The following GPC3 variants were observed in gnomAD, a reference collection of about 807,000 sequenced individuals.
GPC3 encodes the protein glypican 3.
In GPC3, 3 loss-of-function variants were observed where a neutral mutation model predicts 34.4. The ratio of observed to expected loss-of-function variants is 0.09; its 90% CI spans 0.04 to 0.23. The LOEUF (loss-of-function observed/expected upper bound fraction) is 0.23. Ranked by LOEUF, GPC3 falls within the 10% of genes least tolerant of loss-of-function variation. The pLI is 1.00. For synonymous variants in GPC3, 177 were observed against 174.0 expected (o/e 1.02, Z -0.13); for missense variants, 351 against 445.6 (o/e 0.79, Z 1.91).
At chrX:133,814,201 T>A (rs2075678383) in intron 2 of GPC3, among the ~76,000 whole-genome samples, 1 of 111,037 alleles carries the variant, frequency 9.0e-6, no homozygotes, top group Admixed American at 9.6e-5. Context: ...CCAGATCAAA[T>A]TTTTGGCTAG....
At chrX:133,945,890 C>A (rs188321907) in intron 2 of GPC3, among the ~76,000 whole-genome samples, 5 of 112,301 alleles carry the variant, frequency 4.5e-5, no homozygotes, top group African/African-American at 1.6e-4. Context: ...ATTTTGTCTT[C>A]TTTTTCTTAA....
At chrX:133,873,825 T>C (rs1031432821) in intron 2 of GPC3, among the ~76,000 whole-genome samples, 14 of 111,657 alleles carry the variant, frequency 1.3e-4, no homozygotes, top group African/African-American at 3.3e-4. Context: ...TTTAAATATA[T>C]GGAACTCTAT....
intron 2 of GPC3, among the ~76,000 whole-genome samples, chrX:133,897,534 T>A (rs2076123465): frequency 9.0e-6 from 1 of 110,611 alleles, no homozygotes. Context: ...TACCGTGCTA[T>A]TCTGCCTATA....
At chrX:133,808,289 G>A (rs966977856) in intron 2 of GPC3, among the ~76,000 whole-genome samples, 2 of 111,959 alleles carry the variant, frequency 1.8e-5, no homozygotes, top group African/African-American at 6.5e-5. Context: ...TTGAGACAAA[G>A]GGAAATTTAA....
intron 6 of GPC3, among the ~76,000 whole-genome samples, chrX:133,651,234 A>G (rs1305773217): frequency 9.2e-6 from 1 of 108,210 alleles, no homozygotes; most frequent in African/African-American, 3.4e-5. Context: ...CCCAGGCTGG[A>G]GTGCAGTGGC....
chrX:133,851,782 C>A (rs2075875073), intron 2 of GPC3, among the ~76,000 whole-genome samples: 1 of 112,023 alleles, frequency 8.9e-6, no homozygotes, highest in Admixed American at 9.5e-5. Flanking sequence ...CTACTGTAAT[C>A]CAACTCTGAG....
At chrX:133,795,297 C>A (rs1368625404) in intron 2 of GPC3, among the ~76,000 whole-genome samples, 1 of 112,643 alleles carries the variant, frequency 8.9e-6, no homozygotes, top group Admixed American at 9.4e-5. Context: ...ATCTGCCTGT[C>A]AGGGACCATG....
intron 7 of GPC3, among the ~76,000 whole-genome samples, chrX:133,548,915 C>G (rs1180207038): frequency 9.0e-6 from 1 of 111,538 alleles, no homozygotes; most frequent in Non-Finnish European, 1.9e-5. Flanking sequence ...TATTGTGAGG[C>G]CTCCCCAGTC....
intron 2 of GPC3, among the ~76,000 whole-genome samples, chrX:133,803,269 T>G (rs2124520997): frequency 8.9e-6 from 1 of 112,506 alleles, no homozygotes; most frequent in Non-Finnish European, 1.9e-5. Context: ...CTAATAGGAT[T>G]AAGCCAAAAC....
At chrX:133,608,440 TGA>T (rs1366625510) in intron 6 of GPC3, among the ~76,000 whole-genome samples, 1 of 111,916 alleles carries the variant, frequency 8.9e-6, no homozygotes, top group African/African-American at 3.2e-5. Flanking sequence ...GGTCCTGGGG[TGA>T]GAGTGTACCA....
In GPC3 at chrX:133,840,090, A is replaced by T. The variant is rs188491384; in HGVS notation, c.338-85914T>A. Reference sequence around the variant, plus strand: ...TAGATTCTAGTTCGAGCTCTATCACAAGCTTACTGGGTGATTTTCGGCAAG... The same window carrying T: ...TAGATTCTAGTTCGAGCTCTATCACTAGCTTACTGGGTGATTTTCGGCAAG... On this transcript the variant is annotated intron_variant, in intron 2 of 7. Transcript: ENST00000370818. Among the ~76,000 whole-genome samples the T allele has an allele frequency of 5.4e-5, 6 of 111,083 alleles. No homozygotes were observed. In the East Asian group the frequency reaches 1.4e-3, roughly 26 times the overall value.
intron 2 of GPC3, among the ~76,000 whole-genome samples, chrX:133,917,618 A>T (rs1415479658): frequency 2.7e-5 from 3 of 112,014 alleles, no homozygotes; most frequent in African/African-American, 9.7e-5. Context: ...TGAGCACCTA[A>T]AACTAAGGAT....
chrX:133,763,690 C>T, intron 2 of GPC3: 1 of 539,159 alleles, frequency 1.9e-6, no homozygotes, highest in South Asian at 2.4e-5. Flanking sequence ...TTAAGCTGTT[C>T]TTATATCAGC....
At chrX:133,594,506 T>G (rs1223786677) in intron 7 of GPC3, among the ~76,000 whole-genome samples, 1 of 112,134 alleles carries the variant, frequency 8.9e-6, no homozygotes, top group Non-Finnish European at 1.9e-5. Flanking sequence ...AAAAGTGTGG[T>G]ACATACATAC....
At chrX:133,619,338 G>A (rs1379218805) in intron 6 of GPC3, among the ~76,000 whole-genome samples, 1 of 112,028 alleles carries the variant, frequency 8.9e-6, no homozygotes, top group African/African-American at 3.2e-5. Context: ...CTAGGTATAT[G>A]CCCCAAATAA....
intron 3 of GPC3, among the ~76,000 whole-genome samples, chrX:133,713,395 T>TA (rs1300812107): frequency 8.9e-6 from 1 of 111,858 alleles, no homozygotes; most frequent in Non-Finnish European, 1.9e-5. Flanking sequence ...ACACACATTT[T>TA]AAAAAAAGCT....
At chrX:133,893,549 T>G (rs189237084) in intron 2 of GPC3, among the ~76,000 whole-genome samples, 1 of 112,061 alleles carries the variant, frequency 8.9e-6, no homozygotes. Flanking sequence ...AGTGTTTCAT[T>G]TAAAAAAATA....
intron 2 of GPC3, among the ~76,000 whole-genome samples, chrX:133,941,453 G>A (rs2076344836): frequency 8.9e-6 from 1 of 112,582 alleles, no homozygotes; most frequent in African/African-American, 3.2e-5. Flanking sequence ...TAAGTGCCAA[G>A]GGACAAGTGA....
At chrX:133,625,798 G>T (rs2124364473) in intron 6 of GPC3, among the ~76,000 whole-genome samples, 1 of 111,983 alleles carries the variant, frequency 8.9e-6, no homozygotes, top group East Asian at 2.8e-4. Flanking sequence ...TTTCTTCACA[G>T]AATTGGAAAA....
Sources: gnomAD v4.1 joint callset for allele counts (sites outside exome capture counted in the v4.1 genomes callset) on GRCh38, gnomAD v4.1.1 for gene constraint, MANE v1.5 for transcripts, NCBI Gene and HGNC (gene_info 2026-07-23, HGNC 2026-07-21) for gene names.